HPSE2: variants seen among roughly 807,000 people sequenced by gnomAD.
HPSE2 encodes heparanase 2 (inactive), also known as inactive heparanase-2.
Under a neutral mutation model 60.5 loss-of-function variants are expected in HPSE2, and 38 were observed. The ratio of observed to expected loss-of-function variants is 0.63; its 90% CI spans 0.48 to 0.82. The LOEUF (loss-of-function observed/expected upper bound fraction) is 0.82. Among genes scored for constraint, HPSE2 ranks in the 40% least tolerant of loss-of-function variants. The pLI, the probability that HPSE2 is intolerant of heterozygous loss-of-function variation, is 0.00. For missense variants in HPSE2, 713 were observed against 740.4 expected, an observed-to-expected ratio of 0.96 and a Z score of 0.43; for synonymous variants, 295 against 293.2, an observed-to-expected ratio of 1.01 and a Z score of -0.06.
rs187773774 is a variant in HPSE2, at chr10:98,523,861, G to A, written c.1321-33665C>T. Among the ~76,000 whole-genome samples the A allele has an allele frequency of 2.0e-3, 305 of 152,282 alleles. 3 individuals carry two copies. The highest frequency in any genetic ancestry group is 3.4e-3 in the Middle Eastern group (1 of 292). ...CAACTCTAATGTAAATATTGGCAGA[G>A]TCTCCTCCTATCTTCTCTACCTCCT... On this transcript the variant is annotated intron_variant, in intron 9 of 11. Transcript: ENST00000370552.
chr10:98,553,793 TTC>T (rs2133858095), intron 9 of HPSE2, among the ~76,000 whole-genome samples: 1 of 152,306 alleles, frequency 6.6e-6, no homozygotes, highest in South Asian at 2.1e-4. Flanking sequence ...GCTATTTTGT[TTC>T]TCTCTTTTCT....
intron 9 of HPSE2, among the ~76,000 whole-genome samples, chr10:98,510,620 A>C (rs1235385684): frequency 1.3e-5 from 2 of 152,216 alleles, no homozygotes; most frequent in Non-Finnish European, 2.9e-5. Flanking sequence ...GAGAAGGGGA[A>C]ACTGCGTTGT....
intron 2 of HPSE2, among the ~76,000 whole-genome samples, chr10:99,179,842 C>T (rs1320294857): frequency 2.6e-5 from 4 of 151,758 alleles, no homozygotes; most frequent in African/African-American, 9.7e-5. Context: ...GGAGGCATCA[C>T]ACTACTTGAC....
At chr10:98,765,758 A>T (rs1384438269) in intron 3 of HPSE2, among the ~76,000 whole-genome samples, 1 of 151,988 alleles carries the variant, frequency 6.6e-6, no homozygotes. Flanking sequence ...CAGGAGAATC[A>T]CTTGAACCCT....
At chr10:99,203,661 C>A (rs1848648942) in intron 2 of HPSE2, among the ~76,000 whole-genome samples, 1 of 152,050 alleles carries the variant, frequency 6.6e-6, no homozygotes, top group Non-Finnish European at 1.5e-5. Flanking sequence ...AGGTTCCAGA[C>A]CCAAGACTGA....
At chr10:98,849,745 C>T (rs949714018) in intron 3 of HPSE2, among the ~76,000 whole-genome samples, 4 of 152,054 alleles carry the variant, frequency 2.6e-5, no homozygotes, top group African/African-American at 4.8e-5. Flanking sequence ...CCTATTTAAG[C>T]TCCTCGATTT....
chr10:98,598,901 C>A (rs1414779300), intron 9 of HPSE2, among the ~76,000 whole-genome samples: 2 of 152,102 alleles, frequency 1.3e-5, no homozygotes, highest in African/African-American at 4.8e-5. Context: ...GGCCTGAAGC[C>A]TGGGTCCACT....
chr10:98,737,331 C>T (rs1949384224), intron 4 of HPSE2, among the ~76,000 whole-genome samples: 1 of 110,786 alleles, frequency 9.0e-6, no homozygotes, highest in African/African-American at 3.1e-5. Flanking sequence ...ATAGGAACAG[C>T]TCCAGTCTGC....
At chr10:99,057,553 G>A (rs1958141773) in intron 3 of HPSE2, among the ~76,000 whole-genome samples, 1 of 152,034 alleles carries the variant, frequency 6.6e-6, no homozygotes. Context: ...GACCTCTGTG[G>A]AGATCAAAAA....
chr10:98,727,885 T>C lies in HPSE2; in HGVS notation c.785-6057A>G, dbSNP rs557656034. Among the ~76,000 whole-genome samples, 16 of 152,130 alleles carry C rather than the reference T, an allele frequency of 1.1e-4. No individual in the cohort carries two copies. In the South Asian group the frequency reaches 2.5e-3, roughly 24 times the overall value. On this transcript the variant is annotated intron_variant, in intron 4 of 11. Transcript: ENST00000370552. ...GAAAAAAATGGAGGCCAGAAGATGG[T>C]AGGATGATATATTCAAAATGCTGAA...
At chr10:98,480,116 T>C (rs1941178880) in intron 11 of HPSE2, among the ~76,000 whole-genome samples, 1 of 149,722 alleles carries the variant, frequency 6.7e-6, no homozygotes, top group Non-Finnish European at 1.5e-5. Context: ...TGAGGCAGAG[T>C]CTTGCTCTGT....
At chr10:99,000,223 C>T (rs933869312) in intron 3 of HPSE2, among the ~76,000 whole-genome samples, 1 of 152,060 alleles carries the variant, frequency 6.6e-6, no homozygotes, top group Admixed American at 6.6e-5. Context: ...CAGACCCAGA[C>T]AACCTTGATG....
chr10:98,509,517 T>C (rs1399378278), intron 9 of HPSE2, among the ~76,000 whole-genome samples: 1 of 151,962 alleles, frequency 6.6e-6, no homozygotes, highest in Non-Finnish European at 1.5e-5. Flanking sequence ...GCTTTCTTTT[T>C]TTGAGACGGA....
chr10:98,516,772 C>G (rs1017805829), intron 9 of HPSE2, among the ~76,000 whole-genome samples: 1 of 152,154 alleles, frequency 6.6e-6, no homozygotes, highest in Non-Finnish European at 1.5e-5. Flanking sequence ...AGCCAGAACA[C>G]CAGATGTGAA....
intron 3 of HPSE2, among the ~76,000 whole-genome samples, chr10:98,964,876 T>TTCTC (rs1197395584): frequency 6.6e-6 from 1 of 152,168 alleles, no homozygotes; most frequent in Non-Finnish European, 1.5e-5. Flanking sequence ...TGATTTATCT[T>TTCTC]TCTCTCTTAA....
intron 6 of HPSE2, among the ~76,000 whole-genome samples, chr10:98,688,326 T>G (rs886835222): frequency 6.6e-6 from 1 of 152,094 alleles, no homozygotes. Flanking sequence ...ATCATTATTT[T>G]GTAAATAAAT....
At chr10:98,713,980 C>G (rs1948733609) in intron 5 of HPSE2, among the ~76,000 whole-genome samples, 1 of 151,864 alleles carries the variant, frequency 6.6e-6, no homozygotes, top group Admixed American at 6.6e-5. Context: ...CTATTTCTAT[C>G]AACTGTCCCT....
chr10:98,524,475 T>C (rs1591312009), intron 9 of HPSE2, among the ~76,000 whole-genome samples: 1 of 152,170 alleles, frequency 6.6e-6, no homozygotes, highest in African/African-American at 2.4e-5. Flanking sequence ...AAGGCAATGG[T>C]ATTTATTCTA....
chr10:99,006,508 C>T (rs1019243980), intron 3 of HPSE2, among the ~76,000 whole-genome samples: 2 of 152,154 alleles, frequency 1.3e-5, no homozygotes, highest in Non-Finnish European at 2.9e-5. Context: ...CTGGCTTTGG[C>T]AGTCATGGGC....
Sources: allele counts gnomAD v4.1 joint callset (sites outside exome capture counted in the v4.1 genomes callset), GRCh38; gene constraint gnomAD v4.1.1; transcripts MANE v1.5; gene names NCBI Gene and HGNC (gene_info 2026-07-23, HGNC 2026-07-21).